L3MBTL4: variants seen among roughly 807,000 people sequenced by gnomAD.
The protein encoded by L3MBTL4 is lethal(3)malignant brain tumor-like protein 4.
L3MBTL4 carries 70 observed loss-of-function variants against 84.5 expected under a neutral mutation model. The ratio of observed to expected loss-of-function variants is 0.83; its 90% CI spans 0.68 to 1.01. The LOEUF (loss-of-function observed/expected upper bound fraction) is 1.01. Ranked by LOEUF, L3MBTL4 falls within the 50% of genes least tolerant of loss-of-function variation. The pLI is 0.00. For missense variants in L3MBTL4, 715 were observed against 754.8 expected (o/e 0.95, Z 0.62); for synonymous variants, 274 against 259.8 (o/e 1.05, Z -0.52).
intron 14 of L3MBTL4, among the ~76,000 whole-genome samples, chr18:6,136,011 G>A (rs1328517599): frequency 6.6e-6 from 1 of 152,174 alleles, no homozygotes; most frequent in African/African-American, 2.4e-5. Flanking sequence ...GGTGGGAGGT[G>A]AAAGGCACAT....
chr18:6,278,580 G>C (rs562005703), intron 4 of L3MBTL4, among the ~76,000 whole-genome samples: 2 of 151,654 alleles, frequency 1.3e-5, no homozygotes, highest in African/African-American at 4.9e-5. Context: ...TATCTTCCTC[G>C]GGTTTCATTT....
chr18:6,272,719 C>G (rs1221630612), intron 4 of L3MBTL4, among the ~76,000 whole-genome samples: 1 of 63,628 alleles, frequency 1.6e-5, no homozygotes, highest in East Asian at 4.8e-4. Flanking sequence ...GGTGGTTCTA[C>G]AGAGCGGTGC....
At chr18:6,348,368 A>G (rs1275404777) in intron 1 of L3MBTL4, among the ~76,000 whole-genome samples, 1 of 152,126 alleles carries the variant, frequency 6.6e-6, no homozygotes, top group African/African-American at 2.4e-5. Context: ...ATGATATTAC[A>G]AAGTTCTAAT....
At chr18:6,051,296 T>C (rs113785048) in intron 16 of L3MBTL4, among the ~76,000 whole-genome samples, 1 of 152,326 alleles carries the variant, frequency 6.6e-6, no homozygotes, top group African/African-American at 2.4e-5. Context: ...CCCAGCACTT[T>C]CGGAGGCTGT....
intron 9 of L3MBTL4, 145 bp from the exon 10 acceptor site, chr18:6,238,185 T>C: frequency 4.2e-6 from 3 of 714,134 alleles, no homozygotes; most frequent in East Asian, 5.3e-5. Flanking sequence ...TTTTCAGTAC[T>C]GCATTAGTAG....
intron 4 of L3MBTL4, among the ~76,000 whole-genome samples, chr18:6,290,068 G>C (rs983465443): frequency 1.3e-5 from 2 of 151,978 alleles, no homozygotes; most frequent in African/African-American, 4.8e-5. Flanking sequence ...CCACAGACAC[G>C]TGTCACCACA....
intron 13 of L3MBTL4, among the ~76,000 whole-genome samples, chr18:6,141,764 T>C (rs918136586): frequency 6.6e-6 from 1 of 152,230 alleles, no homozygotes; most frequent in Admixed American, 6.5e-5. Context: ...CATTCTTCAC[T>C]CTTCCTAATC....
At chr18:5,961,754 C>T (rs1940609) in intron 17 of L3MBTL4, among the ~76,000 whole-genome samples, 56,009 of 148,190 alleles carry the variant, frequency 0.38, 10,577 homozygotes, top group East Asian at 0.51. Context: ...CAGAGGAAGC[C>T]GAGCTGTTTG....
chr18:6,186,952 G>A (rs555176347), intron 12 of L3MBTL4, among the ~76,000 whole-genome samples: 305 of 152,222 alleles, frequency 2.0e-3, no homozygotes, highest in African/African-American at 6.7e-3. Context: ...TTCAGAGCTC[G>A]AAATCTTAGA....
intron 12 of L3MBTL4, among the ~76,000 whole-genome samples, chr18:6,173,642 T>C (rs914706572): frequency 6.6e-6 from 1 of 151,972 alleles, no homozygotes; most frequent in African/African-American, 2.4e-5. Flanking sequence ...TAGCCAGGTG[T>C]GTGGTGTGCA....
rs777078561 is a variant in L3MBTL4 at position 6,176,806 on chromosome 18, CA to C, written c.982-4865del. Among the ~76,000 whole-genome samples, 7 of 151,996 alleles carry C rather than the reference CA, an allele frequency of 4.6e-5. No individual in the cohort carries two copies. The East Asian group carries it at 1.4e-3, about 29-fold the overall frequency. ...TACATTTATCTGACAAGAGACTTGA[CA>C]AAAAATTCAATGTAAAAAATGAGCA... On this transcript the variant is annotated intron_variant, in intron 12 of 18. Coordinates refer to ENST00000317931, the MANE Select transcript of L3MBTL4 (RefSeq NM_001330559.2).
chr18:6,355,404 T>A (rs1376387721), intron 1 of L3MBTL4, among the ~76,000 whole-genome samples: 1 of 152,214 alleles, frequency 6.6e-6, no homozygotes, highest in East Asian at 1.9e-4. Flanking sequence ...AATAATACTA[T>A]GATAAGGCAA....
chr18:6,413,154 T>G (rs2056042124), intron 1 of L3MBTL4, among the ~76,000 whole-genome samples: 1 of 152,194 alleles, frequency 6.6e-6, no homozygotes, highest in South Asian at 2.1e-4. Flanking sequence ...TACCTCTGTC[T>G]TCACCAGATC....
chr18:5,973,411 T>G (rs1306080471), intron 16 of L3MBTL4, among the ~76,000 whole-genome samples: 1 of 152,268 alleles, frequency 6.6e-6, no homozygotes, highest in African/African-American at 2.4e-5. Context: ...ATGTGACTGT[T>G]GACAGGCTTT....
intron 16 of L3MBTL4, among the ~76,000 whole-genome samples, chr18:5,994,849 T>C (rs541605526): frequency 6.6e-6 from 1 of 152,372 alleles, no homozygotes; most frequent in East Asian, 1.9e-4. Context: ...TTGTAAATTT[T>C]CTCTTCCACA....
chr18:6,262,250 A>C (rs2048438914), intron 5 of L3MBTL4, among the ~76,000 whole-genome samples: 1 of 152,172 alleles, frequency 6.6e-6, no homozygotes, highest in Non-Finnish European at 1.5e-5. Flanking sequence ...GGGAAAGGGC[A>C]AGGTGACTGT....
At chr18:6,060,532 T>A (rs1279032627) in intron 16 of L3MBTL4, among the ~76,000 whole-genome samples, 3 of 152,058 alleles carry the variant, frequency 2.0e-5, no homozygotes, top group African/African-American at 7.2e-5. Flanking sequence ...TATTATTATC[T>A]TACATTAGTG....
chr18:6,000,221 G>C (rs1284290948), intron 16 of L3MBTL4, among the ~76,000 whole-genome samples: 1 of 152,184 alleles, frequency 6.6e-6, no homozygotes, highest in Non-Finnish European at 1.5e-5. Flanking sequence ...TATTGCCACT[G>C]AGGAGATGAA....
chr18:6,345,708 C>G (rs1031416792), intron 1 of L3MBTL4, among the ~76,000 whole-genome samples: 1 of 152,078 alleles, frequency 6.6e-6, no homozygotes, highest in Non-Finnish European at 1.5e-5. Context: ...TCCCTTTTCA[C>G]AGATTGTAAA....
Sources: gnomAD v4.1 joint callset for allele counts (sites outside exome capture counted in the v4.1 genomes callset) on GRCh38, gnomAD v4.1.1 for gene constraint, MANE v1.5 for transcripts, NCBI Gene and HGNC (gene_info 2026-07-23, HGNC 2026-07-21) for gene names.